Variants in ZNF107 observed in about 807,000 individuals in gnomAD.
The protein encoded by ZNF107 is C2H2 type zinc-finger protein.
In ZNF107, 19 loss-of-function variants were observed where a neutral mutation model predicts 12.3. The observed-to-expected ratio is 1.55, with a 90% CI of 1.08 to 2.27. ZNF107 has a LOEUF of 2.27. ZNF107 is among the 30% of genes most tolerant of loss of function. The probability of loss-of-function intolerance (pLI) is 0.00; values close to 1 mark genes in which losing one functional copy is unlikely to be tolerated. For missense variants in ZNF107, 958 were observed against 979.9 expected, an observed-to-expected ratio of 0.98 and a Z score of 0.30; for synonymous variants, 317 against 330.5, an observed-to-expected ratio of 0.96 and a Z score of 0.44.
Position 64,707,862 on chromosome 7 carries a change from A to C in ZNF107, c.1765A>C (p.Lys589Gln). 1.2e-6 allele frequency: 2 copies of C among 1,613,564 alleles called. No individual in the cohort carries two copies. The highest frequency in any genetic ancestry group is 2.2e-5 in the South Asian group (2 of 91,044). ...QLTRHKIVHT[K>Q]EKLNKCEEFG... ...TACTAGACATAAGATAGTTCATACT[A>C]AAGAGAAACTCAACAAATGTGAAGA... is the stretch of plus-strand genomic sequence containing the variant. The change falls in exon 4 of 4, where the codon AAA (lysine) becomes CAA (glutamine). Residue 589 changes from lysine to glutamine, a missense_variant. Physicochemically the swap from Lys to Gln is moderately conservative, Grantham distance 53 (BLOSUM62 1). Transcript: ENST00000620827.
chr7:64,711,451 T>G lies in ZNF107; in HGVS notation c.*2795T>G, dbSNP rs887504479. ...TCTCCTTTGTATTACAAACCAATTC[T>G]GCACTTTTAGATACTTTAGAATGTA... On this transcript the variant is annotated 3_prime_UTR_variant, in exon 4 of 4. Transcript: ENST00000620827. The G allele has an allele frequency of 2.6e-5, 4 of 152,214 alleles. No individual in the cohort carries two copies. The highest frequency in any genetic ancestry group is 7.2e-5 in the African/African-American group (3 of 41,456). The allele number at this position is 152,214 out of a possible 1,614,324, so 9.4% of individuals were successfully genotyped here.
chr7:64,671,298 A>G (rs1584460893), intron 1 of ZNF107, among the ~76,000 whole-genome samples: 1 of 152,236 alleles, frequency 6.6e-6, no homozygotes, highest in East Asian at 1.9e-4. Context: ...CCCACTCACA[A>G]ACATACCCAT....
intron 3 of ZNF107, 71 bp downstream of exon 3, chr7:64,692,031 C>T: frequency 9.5e-7 from 1 of 1,053,312 alleles, no homozygotes; most frequent in Non-Finnish European, 1.3e-6. Context: ...AAAAGCCAGT[C>T]CTTAAAATAT....
chr7:64,677,768 T>G (rs1584466786), intron 1 of ZNF107, among the ~76,000 whole-genome samples: 1 of 144,114 alleles, frequency 6.9e-6, no homozygotes, highest in Admixed American at 7.4e-5. Context: ...AGGAGAATGG[T>G]GTGAACCCGC....
chr7:64,673,850 C>A (rs1057471515), intron 1 of ZNF107, among the ~76,000 whole-genome samples: 1 of 152,230 alleles, frequency 6.6e-6, no homozygotes, highest in Admixed American at 6.5e-5. Flanking sequence ...TTCCTCATGT[C>A]AGCTTTGTGA....
intron 1 of ZNF107, chr7:64,687,265 T>C: frequency 1.0e-6 from 1 of 986,074 alleles, no homozygotes; most frequent in South Asian, 4.7e-5. Context: ...TATGGACTCA[T>C]GCTGGAAATC....
In ZNF107 at chr7:64,673,938, G is replaced by T. The variant is rs563270564; in HGVS notation, c.3+7653G>T. The stretch of plus-strand genomic sequence containing the variant: ...GCACTGGTCTATTGGTCTGTTTTTT[G>T]TTGTTGTTGTTGTTGTTTTATTTTT... On this transcript the variant is annotated intron_variant, in intron 1 of 3. Transcript: ENST00000620827. Among the ~76,000 whole-genome samples, 32 of 152,044 alleles carry T rather than the reference G, an allele frequency of 2.1e-4. 1 individual carries two copies. The highest frequency in any genetic ancestry group is 2.1e-3 in the South Asian group (10 of 4,816).
rs941335583 is a variant in ZNF107 at position 64,666,347 on chromosome 7, G to A, written c.3+62G>A. Reference sequence around the variant, plus strand: ...AGGGGCTGGTTGGAACCGATCGGAAGTGGCTGTGGCTGGACTCGGGCCTCC... The same window carrying A: ...AGGGGCTGGTTGGAACCGATCGGAAATGGCTGTGGCTGGACTCGGGCCTCC... On this transcript the variant is annotated intron_variant, in intron 1 of 3. Transcript: ENST00000620827. The A allele has an allele frequency of 3.2e-6, 5 of 1,582,990 alleles. No homozygotes were observed. The Admixed American group carries it at 5.2e-5, about 17-fold the overall frequency.
intron 1 of ZNF107, among the ~76,000 whole-genome samples, chr7:64,685,657 G>A (rs996177816): frequency 6.6e-6 from 1 of 152,138 alleles, no homozygotes; most frequent in Non-Finnish European, 1.5e-5. Flanking sequence ...GGCCGCCTTG[G>A]CAAGTACCCT....
chr7:64,694,660 C>G (rs1790227628), intron 3 of ZNF107, among the ~76,000 whole-genome samples: 1 of 151,994 alleles, frequency 6.6e-6, no homozygotes, highest in Non-Finnish European at 1.5e-5. Context: ...ATACATGATG[C>G]CTGGCTCTCT....
chr7:64,706,687 G>T lies in ZNF107; in HGVS notation c.590G>T (p.Arg197Ile). Residue 197 changes from arginine to isoleucine, a missense_variant, in exon 4 of 4, where the codon AGA becomes ATA. Coordinates refer to ENST00000620827, the MANE Select transcript of ZNF107 (RefSeq NM_001282359.2). ...QLTQHRRIHT[R>I]VNSYKCEECG... Reference sequence around the variant, plus strand: ...ACTCAGCATAGAAGAATTCATACTAGAGTGAATTCCTACAAATGTGAAGAA... The same window carrying T: ...ACTCAGCATAGAAGAATTCATACTATAGTGAATTCCTACAAATGTGAAGAA... The T allele has an allele frequency of 6.2e-7, 1 of 1,612,924 alleles. No homozygotes were observed. Among genetic ancestry groups the T allele is most frequent in the Non-Finnish European group, 8.5e-7 (1 of 1,179,548 alleles).
Position 64,708,431 on chromosome 7 carries a change from A to G in ZNF107, c.2334A>G (p.Thr778=). Residue 778 remains threonine, a synonymous_variant, in exon 4 of 4, where the codon ACA becomes ACG. Transcript: ENST00000620827. ...TTAACCAATCCTCAAACCTTACTAC[A>G]CATAAGAAAATTCATACTTCAGAGA... The part of the protein sequence containing the change: ...KAFNQSSNLT[T]HKKIHTSEKP... 1 of 1,605,230 alleles carries G rather than the reference A, an allele frequency of 6.2e-7. No individual in the cohort carries two copies. Among genetic ancestry groups the G allele is most frequent in the Non-Finnish European group, 8.5e-7 (1 of 1,173,634 alleles).
intron 3 of ZNF107, among the ~76,000 whole-genome samples, chr7:64,699,752 T>A (rs182138316): frequency 6.6e-6 from 1 of 152,254 alleles, no homozygotes; most frequent in East Asian, 1.9e-4. Flanking sequence ...CCTAACAGAA[T>A]ACGCCAGGTG....
intron 3 of ZNF107, among the ~76,000 whole-genome samples, chr7:64,703,881 G>C (rs1325930654): frequency 6.6e-6 from 1 of 150,914 alleles, no homozygotes; most frequent in Admixed American, 6.6e-5. Flanking sequence ...TTCTTCCTTT[G>C]TGTCTTTTGA....
At chr7:64,684,373 A>G (rs1445839492) in intron 1 of ZNF107, among the ~76,000 whole-genome samples, 1 of 152,102 alleles carries the variant, frequency 6.6e-6, no homozygotes, top group African/African-American at 2.4e-5. Flanking sequence ...CAGACAGCCC[A>G]TCCTGATAAA....
Position 64,708,925 on chromosome 7 carries a change from C to T in ZNF107, c.*269C>T, listed in dbSNP as rs1308629913. The T allele has an allele frequency of 3.6e-6, 2 of 548,712 alleles. No homozygotes were observed. The highest frequency in any genetic ancestry group is 6.6e-6 in the Non-Finnish European group (2 of 303,080). 34.0% of individuals were successfully genotyped at this position (548,712 alleles called of 1,614,324 possible). A position where few individuals can be genotyped will look rare whatever the true frequency, so the allele number is the denominator to read the frequency against. On this transcript the variant is annotated 3_prime_UTR_variant, in exon 4 of 4. Transcript: ENST00000620827. ...TCCTTTAACTGATCCTCAACTTTTA[C>T]TAAACATAAGGTAATTCATACTGGA...
intron 1 of ZNF107, among the ~76,000 whole-genome samples, chr7:64,691,046 G>A (rs12673385): frequency 0.047 from 7,149 of 152,088 alleles, 452 homozygotes; most frequent in African/African-American, 0.14. Flanking sequence ...CCTAATTTTT[G>A]TATTTTTAGT....
At chr7:64,693,715 C>CTT (rs1790195177) in intron 3 of ZNF107, among the ~76,000 whole-genome samples, 1 of 152,056 alleles carries the variant, frequency 6.6e-6, no homozygotes, top group Non-Finnish European at 1.5e-5. Context: ...TATGGTAGGC[C>CTT]TTATATCAGG....
At chr7:64,689,156 T>C (rs1157801493) in intron 1 of ZNF107, among the ~76,000 whole-genome samples, 1 of 152,178 alleles carries the variant, frequency 6.6e-6, no homozygotes, top group Non-Finnish European at 1.5e-5. Flanking sequence ...TAGAGCAGCC[T>C]CTATGAGGCG....
Sources: gnomAD v4.1 joint callset for allele counts (sites outside exome capture counted in the v4.1 genomes callset) on GRCh38, gnomAD v4.1.1 for gene constraint, MANE v1.5 for transcripts, NCBI Gene and HGNC (gene_info 2026-07-23, HGNC 2026-07-21) for gene names.